Variants in MAD1L1 observed in about 807,000 individuals in gnomAD.
MAD1L1 encodes mitotic arrest deficient 1 like 1, also known as mitotic spindle assembly checkpoint protein MAD1.
A neutral mutation model predicts 96.9 loss-of-function variants in MAD1L1; 95 were observed. The ratio of observed to expected loss-of-function variants is 0.98; its 90% CI spans 0.83 to 1.16. The LOEUF is 1.16. Among genes scored for constraint, MAD1L1 ranks in the 50% most tolerant of loss-of-function variants. The pLI is 0.00. For missense variants in MAD1L1, 1,007 were observed against 954.4 expected, an observed-to-expected ratio of 1.06 and a Z score of -0.73; for synonymous variants, 473 against 396.6, an observed-to-expected ratio of 1.19 and a Z score of -2.29.
intron 17 of MAD1L1, among the ~76,000 whole-genome samples, chr7:1,904,123 A>G (rs1209031110): frequency 7.2e-6 from 1 of 139,282 alleles, no homozygotes; most frequent in Non-Finnish European, 1.6e-5. Flanking sequence ...TTGATCAAGC[A>G]CTGTTCCAGG....
chr7:2,161,479 A>T (rs1790120930), intron 10 of MAD1L1, among the ~76,000 whole-genome samples: 1 of 151,892 alleles, frequency 6.6e-6, no homozygotes, highest in Non-Finnish European at 1.5e-5. Flanking sequence ...CAGCCGCCTG[A>T]CTTGGCCTCC....
At chr7:2,110,115 G>A (rs1045836025) in intron 11 of MAD1L1, among the ~76,000 whole-genome samples, 2 of 152,230 alleles carry the variant, frequency 1.3e-5, no homozygotes, top group African/African-American at 4.8e-5. Flanking sequence ...ATTTTCCTAA[G>A]GCTCCCCTCC....
At chr7:1,880,698 G>C (rs1212299464) in intron 18 of MAD1L1, among the ~76,000 whole-genome samples, 1 of 152,244 alleles carries the variant, frequency 6.6e-6, no homozygotes, top group Admixed American at 6.5e-5. Context: ...AGGAAGTACG[G>C]TGTGGTCAGC....
At chr7:1,995,550 A>G (rs1002976467) in intron 14 of MAD1L1, among the ~76,000 whole-genome samples, 1 of 152,150 alleles carries the variant, frequency 6.6e-6, no homozygotes, top group Non-Finnish European at 1.5e-5. Context: ...CAGGAGCCCC[A>G]GGCGGGGGGC....
rs754953009 is a variant in MAD1L1 at position 2,114,925 on chromosome 7, G to A, written c.1073+34227C>T. ...CAAGGGCCTCGAAGCCCCGCCTTCC[G>A]GTGAGCACCGCTGCAGCAGCAGGGA... On this transcript the variant is annotated intron_variant, in intron 11 of 18. Transcript: ENST00000265854. This position sits in a 1 kb window ranked among gnomAD's most constrained non-coding sequence, Gnocchi z 4.2. Among the ~76,000 whole-genome samples, 5 of 152,202 alleles carry A rather than the reference G, an allele frequency of 3.3e-5. No homozygotes were observed. The highest frequency in any genetic ancestry group is 5.9e-5 in the Non-Finnish European group (4 of 68,032).
chr7:2,176,468 T>C (rs1404075674), intron 10 of MAD1L1, among the ~76,000 whole-genome samples: 4 of 152,100 alleles, frequency 2.6e-5, no homozygotes, highest in African/African-American at 9.7e-5. Flanking sequence ...TCCCGGCCAA[T>C]GTAATAATGT....
At chr7:2,130,924 G>A (rs985805580) in intron 11 of MAD1L1, among the ~76,000 whole-genome samples, 19 of 152,174 alleles carry the variant, frequency 1.2e-4, no homozygotes, top group African/African-American at 3.9e-4. Flanking sequence ...TAAGCCTCTC[G>A]CAGAAGGATG....
At chr7:1,914,374 CG>C (rs1788236702) in intron 17 of MAD1L1, among the ~76,000 whole-genome samples, 1 of 152,236 alleles carries the variant, frequency 6.6e-6, no homozygotes, top group East Asian at 1.9e-4. Context: ...TACAATCACG[CG>C]GGTCTTCACA....
At chr7:2,198,085 T>A (rs1347268879) in intron 10 of MAD1L1, among the ~76,000 whole-genome samples, 4 of 139,032 alleles carry the variant, frequency 2.9e-5, no homozygotes, top group Admixed American at 1.5e-4. Context: ...GAGTTTGGGT[T>A]TTTTTTTTTT....
intron 11 of MAD1L1, among the ~76,000 whole-genome samples, chr7:2,118,634 G>A (rs951595591): frequency 6.6e-6 from 1 of 152,234 alleles, no homozygotes; most frequent in East Asian, 1.9e-4. Flanking sequence ...GCAGGTGACG[G>A]AAGTGAAGGA....
rs527938609 is a variant in MAD1L1 at position 1,968,238 on chromosome 7, C to T, written c.1506-10519G>A. 3.3e-5 allele frequency among the ~76,000 whole-genome samples: 5 copies of T among 151,988 alleles called. No individual in the cohort carries two copies. Among genetic ancestry groups the T allele is most frequent in the South Asian group, 2.1e-4 (1 of 4,806 alleles). Reference sequence around the variant, plus strand: ...GTCCACCGTCGACGCCTCAGTCCGGCGGTCAGGTCCACCGTCAACACCAGC... The same window carrying T: ...GTCCACCGTCGACGCCTCAGTCCGGTGGTCAGGTCCACCGTCAACACCAGC... On this transcript the variant is annotated intron_variant, in intron 15 of 18. Coordinates refer to ENST00000265854, the MANE Select transcript of MAD1L1 (RefSeq NM_001013836.2). The surrounding 1 kb of genome is among the most constrained non-coding windows in gnomAD (Gnocchi z 5.6).
rs1212280554 is a variant in MAD1L1 at position 2,230,012 on chromosome 7, A to G, written c.122T>C (p.Leu41Pro). 6.2e-7 allele frequency: 1 copy of G among 1,613,334 alleles called. No homozygotes were observed. The highest frequency in any genetic ancestry group is 8.5e-7 in the Non-Finnish European group (1 of 1,180,016). The change falls in exon 3 of 19, where the codon CTG becomes CCG. Residue 41 changes from leucine to proline, a missense_variant. Leu to Pro is a moderately conservative substitution (Grantham distance 98, BLOSUM62 -3). Coordinates refer to ENST00000265854, the MANE Select transcript of MAD1L1 (RefSeq NM_001013836.2). ...LDISTSAPGS[L>P]QMQYQQSMQL... ...CATGCTCTGCTGGTACTGCATCTGC[A>G]GAGAACCTGGGGCCGAGGTAGAAAT... is the stretch of plus-strand genomic sequence containing the variant.
intron 11 of MAD1L1, among the ~76,000 whole-genome samples, chr7:2,139,670 A>C (rs1451503866): frequency 1.3e-5 from 2 of 151,488 alleles, no homozygotes; most frequent in Admixed American, 6.6e-5. Flanking sequence ...GACACCCGCC[A>C]CTCTCCTTCA....
At chr7:2,204,837 A>C (rs952677503) in intron 10 of MAD1L1, among the ~76,000 whole-genome samples, 5 of 152,234 alleles carry the variant, frequency 3.3e-5, no homozygotes, top group Non-Finnish European at 7.3e-5. Flanking sequence ...TCACACCGTA[A>C]GTGTGTACAA....
At position 2,213,227 on chromosome 7, in the gene MAD1L1, A is replaced by G; in HGVS notation, c.971T>C (p.Met324Thr). Residue 324 changes from methionine to threonine, a missense_variant, in exon 10 of 19, where the codon ATG (methionine) becomes ACG (threonine). Met to Thr is a moderately conservative substitution (Grantham distance 81, BLOSUM62 -1). Coordinates refer to ENST00000265854, the MANE Select transcript of MAD1L1 (RefSeq NM_001013836.2). ...LQSWERLDQT[M>T]GLSIRTPEDL... ...CCTTCCCTACCTGATGCTCAGGCCC[A>G]TGGTCTGGTCCAGTCTCTCCCAGCT... 1.2e-6 allele frequency: 2 copies of G among 1,614,160 alleles called. No individual in the cohort carries two copies. The highest frequency in any genetic ancestry group is 1.7e-6 in the Non-Finnish European group (2 of 1,180,034).
At position 2,142,449 on chromosome 7, in the gene MAD1L1, G is replaced by T. The variant is rs780679784; in HGVS notation, c.1073+6703C>A. Reference sequence around the variant, plus strand: ...AAACTCTTGGGACCAGCCCCACATGGGACGCACAAGGGGCAGAGGGGGACA... The same window carrying T: ...AAACTCTTGGGACCAGCCCCACATGTGACGCACAAGGGGCAGAGGGGGACA... On this transcript the variant is annotated intron_variant, in intron 11 of 18. Coordinates refer to ENST00000265854, the MANE Select transcript of MAD1L1 (RefSeq NM_001013836.2). The surrounding 1 kb of genome is among the most constrained non-coding windows in gnomAD (Gnocchi z 4.7). 1.2e-4 allele frequency among the ~76,000 whole-genome samples: 18 copies of T among 152,228 alleles called. No individual in the cohort carries two copies. Among genetic ancestry groups the T allele is most frequent in the Non-Finnish European group, 1.6e-4 (11 of 68,040 alleles).
In MAD1L1 at chr7:2,070,395, C is replaced by T. The variant is rs575531091; in HGVS notation, c.1074-1057G>A. The stretch of plus-strand genomic sequence containing the variant: ...GACTCCACCTCCCACATGGGACAGC[C>T]GGGCACACAGGTGCTCCCAGGAAGG... On this transcript the variant is annotated intron_variant, in intron 11 of 18. Transcript: ENST00000265854. Among the ~76,000 whole-genome samples, 7 of 152,254 alleles carry T rather than the reference C, an allele frequency of 4.6e-5. No homozygotes were observed. In the East Asian group the frequency reaches 9.7e-4, roughly 21 times the overall value.
In MAD1L1 at chr7:2,214,029, G is replaced by A. The variant is rs140455138; in HGVS notation, c.925-756C>T. Among the ~76,000 whole-genome samples the A allele has an allele frequency of 4.7e-3, 712 of 152,342 alleles. 2 individuals carry two copies. Among genetic ancestry groups the A allele is most frequent in the Non-Finnish European group, 7.5e-3 (510 of 68,028 alleles). ...CACAGCCCCTCCTATGCGCAGGCACGCACTTGACTAGTAACTATATGACAG... is the reference window on the plus strand; with the variant it reads ...CACAGCCCCTCCTATGCGCAGGCACACACTTGACTAGTAACTATATGACAG... On this transcript the variant is annotated intron_variant, in intron 9 of 18. Coordinates refer to ENST00000265854, the MANE Select transcript of MAD1L1 (RefSeq NM_001013836.2).
At chr7:2,040,114 A>G (rs1206855055) in intron 12 of MAD1L1, among the ~76,000 whole-genome samples, 1 of 152,206 alleles carries the variant, frequency 6.6e-6, no homozygotes, top group Non-Finnish European at 1.5e-5. Context: ...TAAAGGCTGT[A>G]AAGGAATACT....
Sources: allele counts gnomAD v4.1 joint callset (sites outside exome capture counted in the v4.1 genomes callset), GRCh38; gene constraint gnomAD v4.1.1; non-coding constraint Gnocchi (gnomAD v3.1); transcripts MANE v1.5; gene names NCBI Gene and HGNC (gene_info 2026-07-23, HGNC 2026-07-21).